ENOX2: variants seen among roughly 807,000 people sequenced by gnomAD.
The protein encoded by ENOX2 is ecto-NOX disulfide-thiol exchanger 2.
ENOX2 carries 36 observed loss-of-function variants against 45.0 expected under a neutral mutation model. The observed-to-expected ratio is 0.80, with a 90% CI of 0.61 to 1.06. The LOEUF (loss-of-function observed/expected upper bound fraction) is 1.06. Among genes scored for constraint, ENOX2 ranks in the 50% least tolerant of loss-of-function variants. The probability of loss-of-function intolerance (pLI) is 0.00; values close to 1 mark genes in which losing one functional copy is unlikely to be tolerated. For missense variants in ENOX2, 423 were observed against 462.5 expected (o/e 0.91, Z 0.78); for synonymous variants, 174 against 152.3 (o/e 1.14, Z -1.05).
Position 130,670,178 on chromosome X carries a change from A to C in ENOX2, c.481T>G (p.Ser161Ala). The C allele has an allele frequency of 8.3e-7, 1 of 1,209,035 alleles. No homozygotes were observed. The highest frequency in any genetic ancestry group is 1.1e-6 in the Non-Finnish European group (1 of 893,541). Reference sequence around the variant, plus strand: ...CCTGTGTCCTTCTTGTCAGTACTAGAGCCCAGGCGAATGCGGTAACCTAAG... The same window carrying C: ...CCTGTGTCCTTCTTGTCAGTACTAGCGCCCAGGCGAATGCGGTAACCTAAG... ...YLSGYRIRLG[S>A]STDKKDTGRL... The change falls in exon 7 of 15, where the codon TCT becomes GCT. Residue 161 changes from serine (S) to alanine (A), a missense_variant. This residue lies in a region of ENOX2 where 261 missense variants were observed against 306.8 expected (regional missense o/e 0.85). Coordinates refer to ENST00000394363, the MANE Select transcript of ENOX2 (RefSeq NM_006375.4).
At chrX:130,840,009 T>C (rs1363182542) in intron 2 of ENOX2, among the ~76,000 whole-genome samples, 3 of 111,439 alleles carry the variant, frequency 2.7e-5, no homozygotes, top group African/African-American at 9.8e-5. Context: ...TACAATCCTC[T>C]CAGAAAACAG....
At chrX:130,799,501 A>C (rs2077183216) in intron 2 of ENOX2, among the ~76,000 whole-genome samples, 2 of 111,528 alleles carry the variant, frequency 1.8e-5, no homozygotes, top group Non-Finnish European at 3.8e-5. Context: ...CATCTACCCT[A>C]TTAGTTCTGT....
chrX:130,688,859 T>C lies in ENOX2; in HGVS notation c.253+4A>G. On this transcript the variant is annotated splice_donor_region_variant and intron_variant, in intron 5 of 14. Coordinates refer to ENST00000394363, the MANE Select transcript of ENOX2 (RefSeq NM_006375.4). ...CTTGTGTGGAGAAAAAAGCAGAATA[T>C]TACTTGGATTTGGAGGGAAGAGCGT... 1 of 1,181,528 alleles carries C rather than the reference T, an allele frequency of 8.5e-7. No individual in the cohort carries two copies. Among genetic ancestry groups the C allele is most frequent in the Non-Finnish European group, 1.1e-6 (1 of 874,523 alleles).
chrX:130,647,317 T>G (rs764017749), intron 10 of ENOX2, among the ~76,000 whole-genome samples: 1 of 112,763 alleles, frequency 8.9e-6, no homozygotes, highest in Non-Finnish European at 1.9e-5. Flanking sequence ...CATTCTTTAT[T>G]GCTTTCAGCT....
chrX:130,881,208 G>A (rs1171324710), intron 2 of ENOX2, among the ~76,000 whole-genome samples: 1 of 112,403 alleles, frequency 8.9e-6, no homozygotes, highest in Non-Finnish European at 1.9e-5. Flanking sequence ...TACTGTGTTA[G>A]ATAGATAGTA....
intron 12 of ENOX2, among the ~76,000 whole-genome samples, chrX:130,632,422 C>T (rs1489390661): frequency 1.1e-5 from 1 of 93,972 alleles, no homozygotes; most frequent in Non-Finnish European, 2.1e-5. Flanking sequence ...AGCAGTCAAA[C>T]TGAAAAATAC....
intron 4 of ENOX2, among the ~76,000 whole-genome samples, chrX:130,692,513 C>G (rs1321458276): frequency 8.9e-6 from 1 of 111,779 alleles, no homozygotes; most frequent in African/African-American, 3.2e-5. Flanking sequence ...TCCCCACTGC[C>G]TTCTTGACTC....
chrX:130,701,322 C>T (rs537405768), intron 4 of ENOX2, among the ~76,000 whole-genome samples: 1 of 109,939 alleles, frequency 9.1e-6, no homozygotes, highest in Admixed American at 9.8e-5. Flanking sequence ...AGGGACACTC[C>T]ACAATATATA....
intron 2 of ENOX2, among the ~76,000 whole-genome samples, chrX:130,897,937 G>A (rs1477745254): frequency 8.9e-6 from 1 of 112,164 alleles, no homozygotes; most frequent in African/African-American, 3.2e-5. Flanking sequence ...TAGAAGTGAT[G>A]CATGTGTGTT....
At chrX:130,783,379 C>T (rs904635359) in intron 3 of ENOX2, among the ~76,000 whole-genome samples, 168 bp downstream of exon 3, 2 of 111,639 alleles carry the variant, frequency 1.8e-5, no homozygotes, top group Non-Finnish European at 3.8e-5. Context: ...CGTGTATGTG[C>T]TTTTCCCTCC....
intron 2 of ENOX2, among the ~76,000 whole-genome samples, chrX:130,825,904 C>A (rs1045555669): frequency 9.0e-6 from 1 of 110,983 alleles, no homozygotes; most frequent in Non-Finnish European, 1.9e-5. Context: ...TAACTTATTA[C>A]AGTATATTGT....
intron 3 of ENOX2, among the ~76,000 whole-genome samples, chrX:130,750,674 GCT>G (rs1367043693): frequency 9.0e-6 from 1 of 110,613 alleles, no homozygotes; most frequent in Non-Finnish European, 1.9e-5. Context: ...TTTGTCTGTT[GCT>G]CTCTCTTCCC....
At chrX:130,774,106 T>C (rs900647566) in intron 3 of ENOX2, among the ~76,000 whole-genome samples, 2 of 112,392 alleles carry the variant, frequency 1.8e-5, no homozygotes. Flanking sequence ...GTCTACTCTG[T>C]TACTGTCACT....
intron 4 of ENOX2, among the ~76,000 whole-genome samples, chrX:130,693,417 A>G (rs1338759086): frequency 8.9e-6 from 1 of 111,949 alleles, no homozygotes; most frequent in Non-Finnish European, 1.9e-5. Context: ...GTTATCCTTC[A>G]TTTTATGGAT....
chrX:130,707,461 C>T (rs2038066609), intron 3 of ENOX2, among the ~76,000 whole-genome samples: 1 of 110,226 alleles, frequency 9.1e-6, no homozygotes, highest in African/African-American at 3.3e-5. Flanking sequence ...TGATGCATCA[C>T]TAATTAACTT....
intron 2 of ENOX2, among the ~76,000 whole-genome samples, chrX:130,876,853 T>A (rs1026676228): frequency 9.9e-5 from 11 of 111,630 alleles, no homozygotes; most frequent in Non-Finnish European, 1.9e-4. Flanking sequence ...ATGCAAACAT[T>A]CAATAACTTG....
At chrX:130,629,431 C>G (rs983732615) in intron 13 of ENOX2, among the ~76,000 whole-genome samples, 6 of 112,567 alleles carry the variant, frequency 5.3e-5, no homozygotes, top group African/African-American at 1.9e-4. Context: ...CTTGAAAAAA[C>G]AAAACAAGAA....
intron 2 of ENOX2, among the ~76,000 whole-genome samples, chrX:130,829,151 G>A (rs1206802657): frequency 9.0e-6 from 1 of 111,064 alleles, no homozygotes; most frequent in African/African-American, 3.3e-5. Context: ...TGCTCCATGA[G>A]AATAAGAAGC....
chrX:130,814,329 T>C (rs1053080913), intron 2 of ENOX2, among the ~76,000 whole-genome samples: 8 of 112,081 alleles, frequency 7.1e-5, no homozygotes, highest in African/African-American at 2.6e-4. Context: ...TCAGCAGACT[T>C]AAATGTTCCT....
Sources: allele counts gnomAD v4.1 joint callset (sites outside exome capture counted in the v4.1 genomes callset), GRCh38; gene constraint gnomAD v4.1.1; regional missense constraint gnomAD v4.1.1; transcripts MANE v1.5; gene names NCBI Gene and HGNC (gene_info 2026-07-23, HGNC 2026-07-21).